The following CEP72 variants were observed in gnomAD, a reference collection of about 807,000 sequenced individuals.
CEP72 encodes centrosomal protein 72, also known as centrosomal protein of 72 kDa.
CEP72 carries 78 observed loss-of-function variants against 65.7 expected under a neutral mutation model. That is an observed-to-expected ratio of 1.19 (90% CI 0.99 to 1.43). The LOEUF (loss-of-function observed/expected upper bound fraction) is 1.43, where lower values mean the gene tolerates loss of function less well. CEP72 is among the 40% of genes most tolerant of loss of function. CEP72 has a pLI of 0.00. For synonymous variants in CEP72, 358 were observed against 351.7 expected, an observed-to-expected ratio of 1.02 and a Z score of -0.20; for missense variants, 914 against 832.9, an observed-to-expected ratio of 1.10 and a Z score of -1.20.
At position 651,308 on chromosome 5, in the gene CEP72, G is replaced by A. The variant is rs71585292; in HGVS notation, c.1779-1680G>A. 1.1e-3 allele frequency among the ~76,000 whole-genome samples: 93 copies of A among 81,948 alleles called. 9 individuals carry two copies. Among genetic ancestry groups the A allele is most frequent in the African/African-American group, 2.8e-3 (64 of 23,262 alleles). 53.8% of individuals were successfully genotyped at this position (81,948 alleles called of 152,430 possible). Reference sequence around the variant, plus strand: ...TGTGACTGTGAGGTGTGACTGTGAGGTGTGACTGTGAGGCGTGGACTGTGA... The same window carrying A: ...TGTGACTGTGAGGTGTGACTGTGAGATGTGACTGTGAGGCGTGGACTGTGA... On this transcript the variant is annotated intron_variant, in intron 11 of 11. Transcript: ENST00000264935.
intron 1 of CEP72, 106 bp downstream of exon 1, chr5:612,549 A>C (rs956735661): frequency 6.4e-6 from 8 of 1,252,908 alleles, no homozygotes; most frequent in African/African-American, 6.3e-5. Flanking sequence ...CCGTCTACGC[A>C]GGCGCCGCGG....
intron 9 of CEP72, chr5:641,438 C>G (rs1378991066): frequency 3.0e-6 from 3 of 985,346 alleles, no homozygotes; most frequent in African/African-American, 3.5e-5. Context: ...CGAAAACTGC[C>G]TCTGAACTTG....
chr5:667,652 G>A (rs191283622), downstream of CEP72, among the ~76,000 whole-genome samples: 4 of 152,296 alleles, frequency 2.6e-5, no homozygotes, highest in African/African-American at 7.2e-5. Context: ...ACATGCCTGA[G>A]AAAGGACTTG....
At chr5:672,236 C>T in the CEP72 span, among the ~76,000 whole-genome samples, 2 of 152,160 alleles carry the variant, frequency 1.3e-5, no homozygotes, top group East Asian at 3.9e-4. Context: ...GCTCAGCAGC[C>T]CTCCACGCTC....
intron 11 of CEP72, among the ~76,000 whole-genome samples, chr5:652,241 G>A (rs1166575442): frequency 2.6e-5 from 4 of 152,192 alleles, no homozygotes; most frequent in African/African-American, 9.7e-5. Context: ...AAACATGGTG[G>A]CATTGGGCTT....
chr5:639,266 CTG>C, intron 8 of CEP72, 42 bp downstream of exon 8: 2 of 1,523,920 alleles, frequency 1.3e-6, no homozygotes, highest in African/African-American at 1.4e-5. Flanking sequence ...TAGGCAGCGT[CTG>C]TGTGGGTTCC....
intron 8 of CEP72, among the ~76,000 whole-genome samples, chr5:639,644 A>G (rs538579822): frequency 6.6e-6 from 1 of 152,222 alleles, no homozygotes; most frequent in East Asian, 1.9e-4. Context: ...GGGACCCAGG[A>G]GGGTGGTCCC....
downstream of CEP72, chr5:657,080 T>A (rs2126841065): frequency 1.3e-5 from 2 of 152,386 alleles, no homozygotes; most frequent in South Asian, 4.1e-4. Flanking sequence ...ATTTCTGAGA[T>A]AAGTCCAACT....
In CEP72 at chr5:637,759, C is replaced by G; in HGVS notation, c.1147C>G (p.Gln383Glu). 4 of 1,610,442 alleles carry G rather than the reference C, an allele frequency of 2.5e-6. No homozygotes were observed. Among genetic ancestry groups the G allele is most frequent in the Non-Finnish European group, 2.5e-6 (3 of 1,178,196 alleles). The change falls in exon 7 of 12, where the codon CAG (glutamine) becomes GAG (glutamate). Residue 383 changes from glutamine to glutamate, a missense_variant. Coordinates refer to ENST00000264935, the MANE Select transcript of CEP72 (RefSeq NM_018140.4). ...AAGCAGGAACGGGAGGACCTTGTCT[C>G]AGCCTGAGGCCTCGGAGACTGAGGA... ...SESRNGRTLS[Q>E]PEASETEEQR...
chr5:624,241 G>A lies in CEP72; in HGVS notation c.404-230G>A, dbSNP rs766317483. ...GTGTGTGTGAGCCTCATCTGTGTGC[G>A]GCTGCTCCCGTGCGCAGCAGTGAGC... On this transcript the variant is annotated intron_variant, in intron 3 of 11. Coordinates refer to ENST00000264935, the MANE Select transcript of CEP72 (RefSeq NM_018140.4). This position sits in a 1 kb window ranked among gnomAD's most constrained non-coding sequence, Gnocchi z 4.7. Among the ~76,000 whole-genome samples, 1 of 152,168 alleles carries A rather than the reference G, an allele frequency of 6.6e-6. No individual in the cohort carries two copies. The highest frequency in any genetic ancestry group is 1.5e-5 in the Non-Finnish European group (1 of 68,030).
chr5:666,110 G>A (rs748214010), intron 4 of CEP72: 16 of 1,568,008 alleles, frequency 1.0e-5, no homozygotes, highest in Admixed American at 1.8e-5. Context: ...GTGATGGTCC[G>A]GCAAGACTTC....
chr5:658,140 G>A (rs1430228898), downstream of CEP72, among the ~76,000 whole-genome samples: 4 of 152,312 alleles, frequency 2.6e-5, no homozygotes, highest in East Asian at 3.9e-4. Flanking sequence ...CCCTTCAAGC[G>A]AGACCTTGCC....
intron 1 of CEP72, among the ~76,000 whole-genome samples, chr5:617,080 G>A (rs1284623406): frequency 2.0e-5 from 3 of 152,132 alleles, no homozygotes; most frequent in African/African-American, 7.2e-5. Flanking sequence ...TCGAGAGCAG[G>A]CTTACGGTTT....
At chr5:660,353 C>T (rs1391299245), downstream of CEP72, 1 of 152,064 alleles carries the variant, frequency 6.6e-6, no homozygotes, top group South Asian at 2.1e-4. Flanking sequence ...TTTAAGAGGT[C>T]GAAAGAAAGA....
intron 2 of CEP72, chr5:663,916 G>A (rs980439663): frequency 6.6e-6 from 1 of 152,604 alleles, no homozygotes; most frequent in African/African-American, 2.4e-5. Flanking sequence ...GCCTCCCCAG[G>A]AGGGAGCAGG....
At chr5:640,768 G>T (rs559632400) in intron 9 of CEP72, 164 bp downstream of exon 9, 32 of 985,426 alleles carry the variant, frequency 3.2e-5, no homozygotes, top group Non-Finnish European at 3.6e-6. Flanking sequence ...CCCGGAACGC[G>T]GCCTGCCCTG....
downstream of CEP72, among the ~76,000 whole-genome samples, chr5:669,556 T>G (rs947642493): frequency 6.6e-6 from 1 of 152,086 alleles, no homozygotes; most frequent in Non-Finnish European, 1.5e-5. Flanking sequence ...CAAGCTGACA[T>G]GCGGACGCCA....
intron 4 of CEP72, among the ~76,000 whole-genome samples, chr5:626,106 C>G (rs899449832): frequency 2.0e-5 from 3 of 152,242 alleles, no homozygotes; most frequent in Non-Finnish European, 4.4e-5. Flanking sequence ...CCCTGGCTGT[C>G]ATCACTTGTT....
intron 9 of CEP72, 137 bp from the exon 10 acceptor site, chr5:644,162 G>A (rs557031216): frequency 8.2e-4 from 786 of 956,648 alleles, no homozygotes; most frequent in Non-Finnish European, 1.2e-3. Flanking sequence ...CCGTGAAACT[G>A]AATTACTGCC....
Sources: allele counts gnomAD v4.1 joint callset (sites outside exome capture counted in the v4.1 genomes callset), GRCh38; gene constraint gnomAD v4.1.1; non-coding constraint Gnocchi (gnomAD v3.1); transcripts MANE v1.5; gene names NCBI Gene and HGNC (gene_info 2026-07-23, HGNC 2026-07-21).